The following CUX1 variants were observed in gnomAD, a reference collection of about 807,000 sequenced individuals.
CUX1 encodes the protein protein CASP.
CUX1 carries 31 observed loss-of-function variants against 158.8 expected under a neutral mutation model. The observed-to-expected ratio is 0.20, with a 90% CI of 0.15 to 0.26. CUX1 has a LOEUF of 0.26. CUX1 is among the 10% of genes least tolerant of loss of function. The pLI is 1.00. For synonymous variants in CUX1, 879 were observed against 862.1 expected, an observed-to-expected ratio of 1.02 and a Z score of -0.34; for missense variants, 1,589 against 2,014.6, an observed-to-expected ratio of 0.79 and a Z score of 4.04.
At chr7:102,058,824 G>C (rs998362771) in intron 3 of CUX1, among the ~76,000 whole-genome samples, 5 of 152,236 alleles carry the variant, frequency 3.3e-5, no homozygotes, top group African/African-American at 4.8e-5. Context: ...AGGGAGGTAG[G>C]AGAGGGGAGC....
At chr7:102,147,977 A>AAAAT (rs545897009) in intron 8 of CUX1, among the ~76,000 whole-genome samples, 105 of 152,254 alleles carry the variant, frequency 6.9e-4, no homozygotes, top group African/African-American at 1.2e-3. Flanking sequence ...CTCCGTCTCA[A>AAAAT]AAATAAATAA....
At chr7:102,055,613 G>A (rs1824042825) in intron 3 of CUX1, among the ~76,000 whole-genome samples, 1 of 152,172 alleles carries the variant, frequency 6.6e-6, no homozygotes, top group East Asian at 1.9e-4. Context: ...CCACCAACCA[G>A]CTGTTTCCCA....
Position 102,189,811 on chromosome 7 carries a change from A to G in CUX1, c.1018-2A>G. 1 of 1,614,242 alleles carries G rather than the reference A, an allele frequency of 6.2e-7. No homozygotes were observed. Among genetic ancestry groups the G allele is most frequent in the Non-Finnish European group, 8.5e-7 (1 of 1,180,028 alleles). On this transcript the variant is annotated splice_acceptor_variant, in intron 11 of 23. Coordinates refer to ENST00000292535, the MANE Select transcript of CUX1 (RefSeq NM_181552.4). LOFTEE classifies it high-confidence loss of function. ...ACTGATCAAATTCTTCTCTGTTTTC[A>G]GCAACTGGAAGAAAAACTCAAAGGC...
At chr7:102,181,538 G>A (rs1475984996) in intron 11 of CUX1, among the ~76,000 whole-genome samples, 3 of 152,140 alleles carry the variant, frequency 2.0e-5, no homozygotes, top group Non-Finnish European at 2.9e-5. Flanking sequence ...AAAATGAAAC[G>A]CGGTTTTGCA....
intron 2 of CUX1, among the ~76,000 whole-genome samples, chr7:101,937,236 C>T (rs1585032959): frequency 6.6e-6 from 1 of 152,190 alleles, no homozygotes; most frequent in African/African-American, 2.4e-5. Flanking sequence ...CCAGCTCCTC[C>T]CCCTGTGAAA....
chr7:102,266,068 G>A (rs1199625382), intron 14 of CUX1, among the ~76,000 whole-genome samples: 6 of 151,982 alleles, frequency 3.9e-5, no homozygotes, highest in African/African-American at 1.2e-4. Context: ...GCCAGGCGTG[G>A]TGGTTCATGC....
At chr7:101,908,711 T>C (rs983080163) in intron 1 of CUX1, among the ~76,000 whole-genome samples, 2 of 152,194 alleles carry the variant, frequency 1.3e-5, no homozygotes, top group African/African-American at 4.8e-5. Flanking sequence ...TATGATTTAC[T>C]TGAACCATCC....
At chr7:102,103,592 C>G (rs1174432009) in intron 5 of CUX1, among the ~76,000 whole-genome samples, 1 of 152,130 alleles carries the variant, frequency 6.6e-6, no homozygotes, top group African/African-American at 2.4e-5. Context: ...TGTGCTACCA[C>G]GTCCAGCTAA....
chr7:101,844,761 G>A (rs1350781807), intron 1 of CUX1, among the ~76,000 whole-genome samples: 4 of 151,958 alleles, frequency 2.6e-5, no homozygotes, highest in African/African-American at 9.7e-5. Context: ...GATTACAGGC[G>A]CCTGCCCCCA....
chr7:102,216,616 TC>T (rs782129227), intron 20 of CUX1, among the ~76,000 whole-genome samples: 10 of 7,934 alleles, frequency 1.3e-3, no homozygotes, highest in Admixed American at 3.4e-3. Context: ...ACACACACAC[TC>T]CCCACACACA....
intron 8 of CUX1, among the ~76,000 whole-genome samples, chr7:102,132,204 G>A (rs913980537): frequency 3.3e-5 from 5 of 150,982 alleles, no homozygotes; most frequent in African/African-American, 7.3e-5. Context: ...ATGGATGGGC[G>A]GGTGGATAGA....
intron 20 of CUX1, among the ~76,000 whole-genome samples, chr7:102,214,281 T>C (rs1240049613): frequency 4.6e-5 from 7 of 152,226 alleles, no homozygotes; most frequent in South Asian, 2.1e-4. Context: ...CCCAACACTT[T>C]GGGAGGCTAA....
intron 2 of CUX1, among the ~76,000 whole-genome samples, chr7:101,947,556 C>G (rs1363348125): frequency 6.6e-6 from 1 of 152,176 alleles, no homozygotes; most frequent in Non-Finnish European, 1.5e-5. Flanking sequence ...AGACAGGCAA[C>G]AACTTAGACA....
At chr7:102,206,518 G>A (rs1795962421) in intron 20 of CUX1, among the ~76,000 whole-genome samples, 1 of 152,166 alleles carries the variant, frequency 6.6e-6, no homozygotes, top group Admixed American at 6.6e-5. Flanking sequence ...ACGGGAAGTT[G>A]GCCTTCTTGA....
intron 14 of CUX1, 109 bp from the exon 15 acceptor site, chr7:102,196,525 C>CT (rs539268272): frequency 6.6e-5 from 73 of 1,109,566 alleles, no homozygotes; most frequent in East Asian, 1.0e-4. Context: ...AAAACCTGCA[C>CT]TTTTTTTTGT....
intron 1 of CUX1, among the ~76,000 whole-genome samples, chr7:101,882,654 A>G (rs986613248): frequency 6.6e-6 from 1 of 152,174 alleles, no homozygotes; most frequent in Admixed American, 6.5e-5. Flanking sequence ...CACACAGTAG[A>G]TGCTCTGCAC....
intron 2 of CUX1, among the ~76,000 whole-genome samples, chr7:101,936,260 C>T (rs547026686): frequency 1.1e-5 from 1 of 88,324 alleles, no homozygotes; most frequent in Non-Finnish European, 2.3e-5. Context: ...GGGAGGAGGG[C>T]GGGTACATCT....
At chr7:102,131,463 G>C (rs1833223031) in intron 8 of CUX1, among the ~76,000 whole-genome samples, 1 of 150,660 alleles carries the variant, frequency 6.6e-6, no homozygotes, top group Admixed American at 6.6e-5. Context: ...AGACCAGCCT[G>C]GGCAAAACAG....
At chr7:102,053,046 G>A (rs547707968) in intron 3 of CUX1, among the ~76,000 whole-genome samples, 54 of 152,260 alleles carry the variant, frequency 3.5e-4, no homozygotes, top group African/African-American at 1.3e-3. Flanking sequence ...CTGACCTCAG[G>A]TGATCTGCCC....
Sources: gnomAD v4.1 joint callset for allele counts (sites outside exome capture counted in the v4.1 genomes callset) on GRCh38, gnomAD v4.1.1 for gene constraint, MANE v1.5 for transcripts, NCBI Gene and HGNC (gene_info 2026-07-23, HGNC 2026-07-21) for gene names.